Variants in INTS3 observed in about 807,000 individuals in gnomAD.
The protein encoded by INTS3 is integrator complex subunit 3.
A neutral mutation model predicts 146.3 loss-of-function variants in INTS3; 34 were observed. The ratio of observed to expected loss-of-function variants is 0.23; its 90% CI spans 0.18 to 0.31. The LOEUF (loss-of-function observed/expected upper bound fraction) is 0.31, where lower values mean the gene tolerates loss of function less well. Ranked by LOEUF, INTS3 falls within the 10% of genes least tolerant of loss-of-function variation. INTS3 has a pLI of 1.00. For synonymous variants in INTS3, 475 were observed against 494.9 expected (o/e 0.96, Z 0.53); for missense variants, 757 against 1,304.2 (o/e 0.58, Z 6.46).
chr1:153,749,669 C>T (rs558927417), intron 6 of INTS3, among the ~76,000 whole-genome samples: 8 of 152,228 alleles, frequency 5.3e-5, no homozygotes, highest in Non-Finnish European at 7.3e-5. Context: ...TGCACTAGCA[C>T]GTGAGATCCT....
rs995386086 is a variant in INTS3 at position 153,764,834 on chromosome 1, G to A, written c.1970+100G>A. The A allele has an allele frequency of 1.8e-5, 28 of 1,539,074 alleles. No homozygotes were observed. The South Asian group carries it at 2.5e-4, about 14-fold the overall frequency. ...GGGGTAATGGGACTCGCTTTCCAGG[G>A]AGGAGGACATATGCTGTGGGCACAG... On this transcript the variant is annotated intron_variant, in intron 19 of 29. Coordinates refer to ENST00000318967, the MANE Select transcript of INTS3 (RefSeq NM_023015.5).
chr1:153,772,395 C>A lies in INTS3; in HGVS notation c.2776C>A (p.His926Asn), dbSNP rs1435436344. The change falls in exon 27 of 30, where the codon CAC becomes AAC. Residue 926 changes from histidine (H) to asparagine (N), a missense_variant. Transcript: ENST00000318967. The surrounding 1 kb of genome is among the most constrained non-coding windows in gnomAD (Gnocchi z 4.6). ...AQLTLEQILE[H>N]LDNLRLNLTN... is the part of the protein sequence containing the mutation. ...GCTGACTCTGGAGCAGATCCTGGAG[C>A]ACTTGGACAATCTGCGGCTCAACCT... The A allele has an allele frequency of 6.2e-7, 1 of 1,614,092 alleles. No homozygotes were observed. Among genetic ancestry groups the A allele is most frequent in the African/African-American group, 1.3e-5 (1 of 75,024 alleles).
rs761852824 is a variant in INTS3 at position 153,728,603 on chromosome 1, C to G, written c.-32C>G. 2.5e-6 allele frequency: 4 copies of G among 1,591,430 alleles called. No individual in the cohort carries two copies. Among genetic ancestry groups the G allele is most frequent in the South Asian group, 1.1e-5 (1 of 89,538 alleles). On this transcript the variant is annotated 5_prime_UTR_variant, in exon 1 of 30. Coordinates refer to ENST00000318967, the MANE Select transcript of INTS3 (RefSeq NM_023015.5). ...ATCTAGGACTGTCCATCCATCCACT[C>G]CCTGACCTTTTCCCGGCTCCTGGCT...
At position 153,741,569 on chromosome 1, in the gene INTS3, G is replaced by A. The variant is rs367799261; in HGVS notation, c.318+201G>A. 5.3e-5 allele frequency among the ~76,000 whole-genome samples: 8 copies of A among 152,348 alleles called. No individual in the cohort carries two copies. The East Asian group carries it at 7.7e-4, about 15-fold the overall frequency. ...AGTCCTTTCTCTATCTCCAGATTCT[G>A]AAGCTAAATGGCAGTCATGAAAGTG... On this transcript the variant is annotated intron_variant, in intron 3 of 29. Transcript: ENST00000318967.
rs574487530 is a variant in INTS3, at chr1:153,728,661, G to A, written c.27G>A (p.Ala9=). 5 of 1,605,712 alleles carry A rather than the reference G, an allele frequency of 3.1e-6. No individual in the cohort carries two copies. In the African/African-American group the frequency reaches 4.0e-5, roughly 13 times the overall value. Reference sequence around the variant, plus strand: ...TGGAGTTGCAGAAGGGAAAAGGGGCGGCAGCAGCAGCAGCTGCTTCGGGAG... The same window carrying A: ...TGGAGTTGCAGAAGGGAAAAGGGGCAGCAGCAGCAGCAGCTGCTTCGGGAG... The part of the protein sequence containing the change: MELQKGKG[A]AAAAAASGAA... The change falls in exon 1 of 30, where the codon GCG becomes GCA. Residue 9 remains alanine (A), a synonymous_variant. Coordinates refer to ENST00000318967, the MANE Select transcript of INTS3 (RefSeq NM_023015.5).
At chr1:153,732,179 A>C (rs1042862288) in intron 1 of INTS3, among the ~76,000 whole-genome samples, 2 of 152,064 alleles carry the variant, frequency 1.3e-5, no homozygotes, top group South Asian at 2.1e-4. Flanking sequence ...CTGGGATTAC[A>C]GGCATGAGCC....
At chr1:153,735,352 A>G (rs1053651542) in intron 1 of INTS3, among the ~76,000 whole-genome samples, 29 of 152,192 alleles carry the variant, frequency 1.9e-4, no homozygotes, top group African/African-American at 6.5e-4. Context: ...CCTTACAGCA[A>G]CCTTGTGATA....
In INTS3 at chr1:153,728,276, A is replaced by G; in HGVS notation, c.-359A>G. The G allele has an allele frequency of 2.7e-6, 1 of 376,518 alleles. No homozygotes were observed. The highest frequency in any genetic ancestry group is 4.7e-6 in the Non-Finnish European group (1 of 212,180). 23.3% of individuals were successfully genotyped at this position (376,518 alleles called of 1,614,324 possible). On this transcript the variant is annotated 5_prime_UTR_variant, in exon 1 of 30. Transcript: ENST00000318967. ...CCCCCCACGGGGAAAAGAGGCAGAA[A>G]CTTAGGGGTTTCCCTCCTTTCTTAG...
At chr1:153,766,701 T>G (rs1672600906) in intron 20 of INTS3, 1 of 150,144 alleles carries the variant, frequency 6.7e-6, no homozygotes, top group African/African-American at 2.5e-5. Context: ...TTTTTTTTTT[T>G]TTTTTTGAGG....
Position 153,770,732 on chromosome 1 carries a change from A to C in INTS3, c.2551A>C (p.Lys851Gln). 1 of 1,612,964 alleles carries C rather than the reference A, an allele frequency of 6.2e-7. No individual in the cohort carries two copies. Among genetic ancestry groups the C allele is most frequent in the South Asian group, 1.1e-5 (1 of 91,030 alleles). The change falls in exon 25 of 30, where the codon AAG becomes CAG. Residue 851 changes from lysine to glutamine, a missense_variant and splice_region_variant. Lys to Gln is a moderately conservative substitution (Grantham distance 53). Transcript: ENST00000318967. Reference protein sequence around the residue: ...SCLLLQLRREKPSEEMVKMVL... With the variant: ...SCLLLQLRREQPSEEMVKMVL... Reference sequence around the variant, plus strand: ...CCTACTGCTTCAACTCCGAAGAGAAAAGTGAGTTCCACTTCTGGGGCTCTT... The same window carrying C: ...CCTACTGCTTCAACTCCGAAGAGAACAGTGAGTTCCACTTCTGGGGCTCTT...
At chr1:153,736,275 G>A (rs959217952) in intron 1 of INTS3, among the ~76,000 whole-genome samples, 1 of 152,156 alleles carries the variant, frequency 6.6e-6, no homozygotes, top group African/African-American at 2.4e-5. Context: ...CTGATATTAA[G>A]TTGTAATAAG....
chr1:153,750,929 A>G, intron 6 of INTS3, 166 bp from the exon 7 acceptor site: 1 of 604,976 alleles, frequency 1.7e-6, no homozygotes, highest in South Asian at 2.4e-5. Flanking sequence ...TTGATAGTCC[A>G]AGATAGATAC....
At chr1:153,732,290 A>G (rs753342672) in intron 1 of INTS3, among the ~76,000 whole-genome samples, 1 of 152,116 alleles carries the variant, frequency 6.6e-6, no homozygotes, top group Admixed American at 6.6e-5. Flanking sequence ...GGAATAATTC[A>G]TATACATATG....
intron 1 of INTS3, among the ~76,000 whole-genome samples, chr1:153,732,560 G>A (rs372961528): frequency 2.0e-5 from 3 of 150,938 alleles, no homozygotes; most frequent in Non-Finnish European, 2.9e-5. Flanking sequence ...ATTCTCCTGC[G>A]TCAGCCTCCC....
At chr1:153,758,723 G>A (rs766953388) in intron 10 of INTS3, among the ~76,000 whole-genome samples, 27 of 151,820 alleles carry the variant, frequency 1.8e-4, no homozygotes, top group Non-Finnish European at 2.6e-4. Context: ...GCTTGAGCCT[G>A]GGAGGTAGAG....
Position 153,773,188 on chromosome 1 carries a change from TC to T in INTS3, c.3052-3del. ...ACTTCCCATTTCCCCTCCCATCTCTTCCAGGAAGAGGAAGACACGAAACCGA... is the reference window on the plus strand; with the variant it reads ...ACTTCCCATTTCCCCTCCCATCTCTTCAGGAAGAGGAAGACACGAAACCGA... On this transcript the variant is annotated splice_polypyrimidine_tract_variant and splice_region_variant and intron_variant, in intron 29 of 29. Transcript: ENST00000318967. 6.2e-7 allele frequency: 1 copy of T among 1,613,770 alleles called. No homozygotes were observed. The highest frequency in any genetic ancestry group is 8.5e-7 in the Non-Finnish European group (1 of 1,179,964).
intron 3 of INTS3, among the ~76,000 whole-genome samples, chr1:153,746,347 TG>T (rs928892363): frequency 3.3e-5 from 5 of 152,220 alleles, no homozygotes; most frequent in East Asian, 3.9e-4. Flanking sequence ...AGATGGGAAG[TG>T]GGGGGGACAG....
At chr1:153,732,816 T>TG (rs915850895) in intron 1 of INTS3, among the ~76,000 whole-genome samples, 1 of 151,602 alleles carries the variant, frequency 6.6e-6, no homozygotes, top group African/African-American at 2.4e-5. Context: ...GTCTTTTTTT[T>TG]TTTTTGAGAT....
Position 153,757,843 on chromosome 1 carries a change from G to A in INTS3, c.1149+80G>A. 8.0e-7 allele frequency: 1 copy of A among 1,255,604 alleles called. No individual in the cohort carries two copies. The highest frequency in any genetic ancestry group is 1.1e-6 in the Non-Finnish European group (1 of 871,884). 77.8% of individuals were successfully genotyped at this position (1,255,604 alleles called of 1,614,324 possible). A position where few individuals can be genotyped will look rare whatever the true frequency, so the allele number is the denominator to read the frequency against. ...GTTTCCATTCTTCTTCCTGACTCCA[G>A]GGCCACTTGACCCCTAAGGGCCCTT... is the stretch of plus-strand genomic sequence containing the variant. On this transcript the variant is annotated intron_variant, in intron 10 of 29. Transcript: ENST00000318967. The surrounding 1 kb of genome is among the most constrained non-coding windows in gnomAD (Gnocchi z 4.0).
Sources: allele counts gnomAD v4.1 joint callset (sites outside exome capture counted in the v4.1 genomes callset), GRCh38; gene constraint gnomAD v4.1.1; non-coding constraint Gnocchi (gnomAD v3.1); transcripts MANE v1.5; gene names NCBI Gene and HGNC (gene_info 2026-07-23, HGNC 2026-07-21).